DMGDH: variants seen among roughly 807,000 people sequenced by gnomAD.
The protein encoded by DMGDH is dimethylglycine dehydrogenase, mitochondrial.
Under a neutral mutation model 95.2 loss-of-function variants are expected in DMGDH, and 76 were observed. The observed-to-expected ratio is 0.80, with a 90% CI of 0.66 to 0.97. The LOEUF (loss-of-function observed/expected upper bound fraction) is 0.97, where lower values mean the gene tolerates loss of function less well. Among genes scored for constraint, DMGDH ranks in the 50% least tolerant of loss-of-function variants. DMGDH has a pLI of 0.00. For synonymous variants in DMGDH, 345 were observed against 377.6 expected (o/e 0.91, Z 1.00); for missense variants, 987 against 1,055.0 (o/e 0.94, Z 0.89).
rs1580201026 is a variant in DMGDH at position 79,030,689 on chromosome 5, T to C, written c.1683+144A>G. On this transcript the variant is annotated intron_variant, in intron 10 of 15. Transcript: ENST00000255189. ...AAAGAAAAGAAAAAAAGAAAGTAAA[T>C]AAGCTTGTATACTTGTATACTTTTG... 4.6e-6 allele frequency: 3 copies of C among 653,056 alleles called. No homozygotes were observed. The East Asian group carries it at 9.7e-5, about 21-fold the overall frequency. 40.5% of individuals were successfully genotyped at this position (653,056 alleles called of 1,614,324 possible).
At chr5:79,010,206 C>T (rs942173521) in intron 14 of DMGDH, among the ~76,000 whole-genome samples, 1 of 152,002 alleles carries the variant, frequency 6.6e-6, no homozygotes, top group Non-Finnish European at 1.5e-5. Context: ...ATTAAAGGAA[C>T]CATATTACCT....
At chr5:78,998,378 T>C in intron 15 of DMGDH, 81 bp from the exon 16 acceptor site, 1 of 1,361,398 alleles carries the variant, frequency 7.3e-7, no homozygotes, top group Non-Finnish European at 1.0e-6. Flanking sequence ...AAAACTAAAA[T>C]ACAGATTCAA....
intron 10 of DMGDH, among the ~76,000 whole-genome samples, chr5:79,030,304 CA>C (rs1754121704): frequency 6.6e-6 from 1 of 152,068 alleles, no homozygotes; most frequent in Admixed American, 6.6e-5. Flanking sequence ...AACAATTAAG[CA>C]AAGTCATAAG....
At chr5:79,000,832 G>T in intron 15 of DMGDH, 1 of 631,008 alleles carries the variant, frequency 1.6e-6, no homozygotes, top group Non-Finnish European at 2.9e-6. Context: ...AACCAGATGG[G>T]GTGGCCACAT....
intron 7 of DMGDH, among the ~76,000 whole-genome samples, chr5:79,035,740 GC>G (rs1332049920): frequency 3.1e-5 from 4 of 130,450 alleles, no homozygotes; most frequent in Middle Eastern, 3.8e-3. Context: ...GGAGTGGTGG[GC>G]GGGGGGGGAA....
intron 10 of DMGDH, 166 bp downstream of exon 10, chr5:79,030,663 AAAAG>A: frequency 1.4e-5 from 10 of 710,388 alleles, no homozygotes; most frequent in Admixed American, 3.0e-5. Flanking sequence ...AAAAAAAAAA[AAAAG>A]AAAAGAAAAA....
intron 14 of DMGDH, among the ~76,000 whole-genome samples, chr5:79,008,529 A>G (rs1022987485): frequency 4.6e-5 from 7 of 152,164 alleles, no homozygotes; most frequent in East Asian, 3.9e-4. Context: ...ACTTAAATCA[A>G]TATCTGCTAC....
At chr5:79,040,268 T>C (rs441048) in intron 7 of DMGDH, among the ~76,000 whole-genome samples, 84,943 of 152,020 alleles carry the variant, frequency 0.56, 23,991 homozygotes, top group East Asian at 0.78. Context: ...AATTGGAGAA[T>C]TGGTTGTTGG....
chr5:79,065,899 C>A (rs1326556813), intron 1 of DMGDH, among the ~76,000 whole-genome samples: 1 of 152,002 alleles, frequency 6.6e-6, no homozygotes, highest in African/African-American at 2.4e-5. Flanking sequence ...CCATCATTGA[C>A]CGAAACATCA....
At chr5:79,035,169 T>A (rs1259657623) in intron 7 of DMGDH, among the ~76,000 whole-genome samples, 1 of 151,400 alleles carries the variant, frequency 6.6e-6, no homozygotes, top group East Asian at 1.9e-4. Context: ...ACAAACAACC[T>A]CTCTAAATTT....
chr5:79,047,655 T>C (rs1201348713), intron 5 of DMGDH, among the ~76,000 whole-genome samples: 1 of 152,128 alleles, frequency 6.6e-6, no homozygotes, highest in Admixed American at 6.6e-5. Flanking sequence ...TTTGGAAAGC[T>C]TTGGTAACTA....
chr5:79,054,160 T>TA, intron 4 of DMGDH, 24 bp downstream of exon 4: 1 of 1,612,224 alleles, frequency 6.2e-7, no homozygotes, highest in African/African-American at 1.3e-5. Flanking sequence ...CAACAAATGG[T>TA]AAAAATGCCC....
intron 1 of DMGDH, among the ~76,000 whole-genome samples, chr5:79,067,499 T>C (rs1214408745): frequency 6.6e-6 from 1 of 152,206 alleles, no homozygotes; most frequent in Non-Finnish European, 1.5e-5. Flanking sequence ...AAACCTGGGT[T>C]TGAGTCCCCA....
At chr5:79,039,463 A>G (rs1754442102) in intron 7 of DMGDH, among the ~76,000 whole-genome samples, 1 of 152,006 alleles carries the variant, frequency 6.6e-6, no homozygotes. Context: ...AACGACAAAA[A>G]ACCAAACACC....
At chr5:79,063,353 T>C (rs572257761) in intron 2 of DMGDH, among the ~76,000 whole-genome samples, 2 of 152,336 alleles carry the variant, frequency 1.3e-5, no homozygotes, top group South Asian at 2.1e-4. Context: ...TGGAAACTTA[T>C]GTAACTTGCC....
chr5:79,040,533 C>T (rs1754481301), intron 7 of DMGDH, among the ~76,000 whole-genome samples: 1 of 152,156 alleles, frequency 6.6e-6, no homozygotes, highest in African/African-American at 2.4e-5. Flanking sequence ...TTTAAATCTT[C>T]ACGAACTTGG....
chr5:79,045,954 T>A (rs982086188), intron 5 of DMGDH, among the ~76,000 whole-genome samples: 1 of 152,214 alleles, frequency 6.6e-6, no homozygotes, highest in Non-Finnish European at 1.5e-5. Flanking sequence ...ATTGTTTTGT[T>A]TGTTGCAATG....
chr5:79,026,649 T>C, intron 12 of DMGDH, 68 bp from the exon 13 acceptor site: 1 of 1,602,084 alleles, frequency 6.2e-7, no homozygotes, highest in Non-Finnish European at 8.5e-7. Flanking sequence ...GTGCATTAGC[T>C]AGAACACATA....
intron 15 of DMGDH, among the ~76,000 whole-genome samples, chr5:78,998,511 G>T (rs1269345686): frequency 3.3e-5 from 5 of 152,154 alleles, no homozygotes; most frequent in African/African-American, 1.2e-4. Flanking sequence ...AATTATCAAG[G>T]TACACATCTG....
Sources: allele counts gnomAD v4.1 joint callset (sites outside exome capture counted in the v4.1 genomes callset), GRCh38; gene constraint gnomAD v4.1.1; transcripts MANE v1.5; gene names NCBI Gene and HGNC (gene_info 2026-07-23, HGNC 2026-07-21).